The following DMD variants were observed in gnomAD, a reference collection of about 807,000 sequenced individuals.
DMD encodes the protein dystrophin.
Under a neutral mutation model 330.1 loss-of-function variants are expected in DMD, and 63 were observed. The observed-to-expected ratio is 0.19, with a 90% CI of 0.16 to 0.24. DMD has a LOEUF of 0.24. DMD is among the 10% of genes least tolerant of loss of function. The probability of loss-of-function intolerance (pLI) is 1.00; values close to 1 mark genes in which losing one functional copy is unlikely to be tolerated. For synonymous variants in DMD, 1,223 were observed against 959.8 expected (o/e 1.27, Z -5.07); for missense variants, 3,344 against 2,684.1 (o/e 1.25, Z -5.43).
intron 78 of DMD, among the ~76,000 whole-genome samples, chrX:31,122,536 C>T (rs2032847133): frequency 9.0e-6 from 1 of 111,286 alleles, no homozygotes; most frequent in African/African-American, 3.3e-5. Flanking sequence ...GCTATTTTCT[C>T]TCTGCTTTTA....
chrX:32,906,441 G>C (rs1171288777), intron 2 of DMD, among the ~76,000 whole-genome samples: 1 of 111,838 alleles, frequency 8.9e-6, no homozygotes, highest in African/African-American at 3.3e-5. Context: ...CCAGTGTCAG[G>C]TATTTCTTTA....
rs1232032662 is a variant in DMD, at chrX:31,603,579, T to A, written c.8217+24094A>T. On this transcript the variant is annotated intron_variant, in intron 55 of 78. Transcript: ENST00000357033. Reference sequence around the variant, plus strand: ...TCTGGTTTGCAATATTTGAAAAGAGTCTGCTGTGGTATGCTAATGACTGTG... The same window carrying A: ...TCTGGTTTGCAATATTTGAAAAGAGACTGCTGTGGTATGCTAATGACTGTG... Among the ~76,000 whole-genome samples the A allele has an allele frequency of 2.7e-5, 3 of 111,694 alleles. No homozygotes were observed. The East Asian group carries it at 8.5e-4, about 32-fold the overall frequency.
intron 2 of DMD, among the ~76,000 whole-genome samples, chrX:32,955,353 C>T (rs1017414003): frequency 4.0e-5 from 4 of 100,222 alleles, no homozygotes; most frequent in Middle Eastern, 0.01. Context: ...TGAGAAGTGT[C>T]TGTTCATGCC....
At chrX:32,716,599 G>A (rs2065760567) in intron 7 of DMD, among the ~76,000 whole-genome samples, 1 of 111,217 alleles carries the variant, frequency 9.0e-6, no homozygotes, top group African/African-American at 3.3e-5. Flanking sequence ...GAAGATACAT[G>A]AGAACGTGGA....
intron 52 of DMD, among the ~76,000 whole-genome samples, chrX:31,720,242 T>TAA (rs2085368709): frequency 8.9e-6 from 1 of 112,316 alleles, no homozygotes; most frequent in East Asian, 2.8e-4. Flanking sequence ...AAATCATGTA[T>TAA]AAGTAAATTT....
At chrX:33,170,813 A>G (rs184113085) in intron 1 of DMD, among the ~76,000 whole-genome samples, 16 of 111,745 alleles carry the variant, frequency 1.4e-4, no homozygotes, top group African/African-American at 4.8e-4. Context: ...TAAGAAAGAG[A>G]AAAATAATCT....
intron 53 of DMD, among the ~76,000 whole-genome samples, chrX:31,672,097 G>A (rs2081835739): frequency 9.0e-6 from 1 of 111,287 alleles, no homozygotes; most frequent in African/African-American, 3.3e-5. Flanking sequence ...TTGGTATATT[G>A]TATTTTTATT....
At chrX:32,843,738 C>T (rs753266617) in intron 4 of DMD, among the ~76,000 whole-genome samples, 7 of 111,353 alleles carry the variant, frequency 6.3e-5, no homozygotes, top group Non-Finnish European at 1.1e-4. Flanking sequence ...ATGTATTGGT[C>T]GATTAGACAG....
intron 7 of DMD, among the ~76,000 whole-genome samples, chrX:32,743,483 C>T (rs906740034): frequency 9.0e-6 from 1 of 110,889 alleles, no homozygotes; most frequent in Non-Finnish European, 1.9e-5. Flanking sequence ...TTAGTAACAT[C>T]GATATCTGAG....
chrX:31,779,345 C>T (rs2090877533), intron 50 of DMD, among the ~76,000 whole-genome samples: 1 of 111,413 alleles, frequency 9.0e-6, no homozygotes, highest in African/African-American at 3.3e-5. Flanking sequence ...ATCTTAACCC[C>T]AAGTCTGTTC....
intron 64 of DMD, among the ~76,000 whole-genome samples, chrX:31,219,723 A>T (rs931766740): frequency 9.1e-6 from 1 of 109,880 alleles, no homozygotes; most frequent in South Asian, 3.9e-4. Context: ...TCTCATACTC[A>T]TATAAATACA....
chrX:31,970,952 CT>C (rs1347070341), intron 44 of DMD, among the ~76,000 whole-genome samples: 1 of 111,613 alleles, frequency 9.0e-6, no homozygotes, highest in Non-Finnish European at 1.9e-5. Flanking sequence ...GTGTCCAATA[CT>C]TACAACTATT....
chrX:31,214,933 TTTTC>T (rs2045203250), intron 64 of DMD, among the ~76,000 whole-genome samples: 3 of 47,669 alleles, frequency 6.3e-5, no homozygotes, highest in African/African-American at 8.5e-5. Flanking sequence ...TTTATTTCTT[TTTTC>T]TTTTTTTTTT....
rs775417770 is a variant in DMD at position 32,868,468 on chromosome X, C to A, written c.94-18648G>T. Among the ~76,000 whole-genome samples the A allele has an allele frequency of 8.0e-4, 89 of 111,882 alleles. 1 individual carries two copies. Among genetic ancestry groups the A allele is most frequent in the Admixed American group, 7.8e-3 (83 of 10,619 alleles). On this transcript the variant is annotated intron_variant, in intron 2 of 78. Transcript: ENST00000357033. ...AGCTGCTGTGGGGAGGGGCAGCAGC[C>A]ATCACGGTGGCTACCGGCTTACTGA...
intron 34 of DMD, among the ~76,000 whole-genome samples, chrX:32,376,740 A>C (rs909710476): frequency 9.1e-6 from 1 of 109,713 alleles, no homozygotes; most frequent in African/African-American, 3.3e-5. Flanking sequence ...TAAAAACTTA[A>C]GTGTTAGATC....
chrX:32,283,196 T>A (rs1029983378), intron 43 of DMD, among the ~76,000 whole-genome samples: 2 of 111,479 alleles, frequency 1.8e-5, no homozygotes, highest in Non-Finnish European at 3.8e-5. Context: ...CTAACCCACA[T>A]CTTGAAGCAG....
chrX:32,577,707 C>T (rs2053215874), intron 13 of DMD, among the ~76,000 whole-genome samples: 1 of 112,143 alleles, frequency 8.9e-6, no homozygotes, highest in Admixed American at 9.5e-5. Context: ...CAACACAAGA[C>T]AGCATGAACA....
intron 60 of DMD, among the ~76,000 whole-genome samples, chrX:31,411,593 G>C (rs778384167): frequency 2.7e-5 from 3 of 111,453 alleles, no homozygotes; most frequent in Non-Finnish European, 5.6e-5. Flanking sequence ...TCTTTGTAGA[G>C]AAAGGAGGTT....
intron 44 of DMD, among the ~76,000 whole-genome samples, chrX:32,155,712 G>T (rs2096826993): frequency 9.0e-6 from 1 of 111,502 alleles, no homozygotes; most frequent in South Asian, 3.8e-4. Flanking sequence ...ACAAACCAGA[G>T]ACCTGATACT....
Sources: gnomAD v4.1 joint callset for allele counts (sites outside exome capture counted in the v4.1 genomes callset) on GRCh38, gnomAD v4.1.1 for gene constraint, MANE v1.5 for transcripts, NCBI Gene and HGNC (gene_info 2026-07-23, HGNC 2026-07-21) for gene names.